The following DNM2 variants were observed in gnomAD, a reference collection of about 807,000 sequenced individuals.
DNM2 encodes dynamin 2, also known as dynamin-2.
In DNM2, 15 loss-of-function variants were observed where a neutral mutation model predicts 99.0. That is an observed-to-expected ratio of 0.15 (90% CI 0.10 to 0.23). The LOEUF is 0.23. Ranked by LOEUF, DNM2 falls within the 10% of genes least tolerant of loss-of-function variation. The pLI, the probability that DNM2 is intolerant of heterozygous loss-of-function variation, is 1.00. For synonymous variants in DNM2, 525 were observed against 481.2 expected (o/e 1.09, Z -1.19); for missense variants, 742 against 1,189.4 (o/e 0.62, Z 5.53).
chr19:10,803,000 C>T (rs975055473), intron 12 of DNM2, among the ~76,000 whole-genome samples: 6 of 152,286 alleles, frequency 3.9e-5, no homozygotes, highest in East Asian at 1.9e-4. Context: ...TGAGGCAGGC[C>T]GGGTGGTGCC....
intron 12 of DNM2, among the ~76,000 whole-genome samples, chr19:10,805,515 G>T (rs550033206): frequency 6.6e-6 from 1 of 152,156 alleles, no homozygotes; most frequent in South Asian, 2.1e-4. Context: ...TGCACCTGTG[G>T]TTCCAGCTAC....
intron 3 of DNM2, among the ~76,000 whole-genome samples, chr19:10,773,229 T>C (rs1241847737): frequency 1.5e-4 from 22 of 147,172 alleles, no homozygotes; most frequent in Middle Eastern, 3.5e-3. Flanking sequence ...CTCACTGCAG[T>C]CTCCGCCTCC....
rs142123317 is a variant in DNM2 at position 10,760,786 on chromosome 19, G to A, written c.235+975G>A. ...CAATCCTCTCCAATCAGCCTCTCGG[G>A]TAGCTAGGATTACAGGTGCACACAC... On this transcript the variant is annotated intron_variant, in intron 2 of 20. Transcript: ENST00000389253. 3.3e-4 allele frequency among the ~76,000 whole-genome samples: 49 copies of A among 147,996 alleles called. No homozygotes were observed. In the East Asian group the frequency reaches 9.3e-3, roughly 28 times the overall value.
intron 8 of DNM2, 106 bp downstream of exon 8, chr19:10,793,961 A>G: frequency 6.3e-7 from 1 of 1,582,190 alleles, no homozygotes; most frequent in Non-Finnish European, 8.6e-7. Context: ...TCCTACCTCT[A>G]GGCCTGAACT....
In DNM2 at chr19:10,830,856, T is replaced by G; in HGVS notation, c.2544-122T>G. ...CCGACACCCTGGTGGCTTGCGGAGG[T>G]CAGCCTGGGAACACCCTGGGGTGGT... On this transcript the variant is annotated intron_variant, in intron 20 of 20. Transcript: ENST00000389253. This position sits in a 1 kb window ranked among gnomAD's most constrained non-coding sequence, Gnocchi z 4.8. 1 of 1,246,900 alleles carries G rather than the reference T, an allele frequency of 8.0e-7. No individual in the cohort carries two copies. The allele number at this position is 1,246,900 out of a possible 1,614,324, so 77.2% of individuals were successfully genotyped here.
chr19:10,757,820 A>C (rs966473819), intron 1 of DNM2, among the ~76,000 whole-genome samples: 27 of 151,678 alleles, frequency 1.8e-4, no homozygotes, highest in African/African-American at 5.1e-4. Flanking sequence ...TAGCGCGTGC[A>C]TGTAATCCCA....
At position 10,786,688 on chromosome 19, in the gene DNM2, A is replaced by G; in HGVS notation, c.974A>G (p.Lys325Arg). The change falls in exon 7 of 21, where the codon AAA (lysine) becomes AGA (arginine). Residue 325 changes from lysine to arginine, a missense_variant. Physicochemically the swap from Lys to Arg is conservative, Grantham distance 26. Coordinates refer to ENST00000389253, the MANE Select transcript of DNM2 (RefSeq NM_001005361.3). ...TTTCGGCCCGACGACCCCACCCGCA[A>G]AACCAAAGCCCTGCTGCAGTATGTA... is the stretch of plus-strand genomic sequence containing the variant. ...KNFRPDDPTR[K>R]TKALLQMVQQ... is the part of the protein sequence containing the mutation. The G allele has an allele frequency of 6.2e-7, 1 of 1,614,002 alleles. No homozygotes were observed. Among genetic ancestry groups the G allele is most frequent in the Non-Finnish European group, 8.5e-7 (1 of 1,179,980 alleles).
intron 2 of DNM2, chr19:10,763,557 G>A (rs541352478): frequency 6.6e-6 from 1 of 152,420 alleles, no homozygotes; most frequent in African/African-American, 2.4e-5. Flanking sequence ...CTGGGCCTTA[G>A]CTGATCTCCA....
chr19:10,824,559 A>G (rs1346397025), intron 17 of DNM2: 1 of 206,086 alleles, frequency 4.9e-6, no homozygotes, highest in Non-Finnish European at 1.0e-5. Flanking sequence ...CAATCCCAAC[A>G]CTTTGGGAGG....
chr19:10,735,639 G>C (rs2069496440), intron 1 of DNM2, among the ~76,000 whole-genome samples: 1 of 151,440 alleles, frequency 6.6e-6, no homozygotes, highest in Non-Finnish European at 1.5e-5. Context: ...TCAGCCGCTT[G>C]AGCAGCTGAG....
At chr19:10,730,233 A>G (rs190232109) in intron 1 of DNM2, among the ~76,000 whole-genome samples, 2 of 152,260 alleles carry the variant, frequency 1.3e-5, no homozygotes, top group Admixed American at 1.3e-4. Flanking sequence ...TAATCCCAGC[A>G]CTATGGGAGG....
At chr19:10,759,668 CAT>C in intron 1 of DNM2, 68 bp from the exon 2 acceptor site, 1 of 1,591,276 alleles carries the variant, frequency 6.3e-7, no homozygotes, top group African/African-American at 1.3e-5. Flanking sequence ...TGCTCCACCA[CAT>C]GTGGTCACAC....
Position 10,819,854 on chromosome 19 carries a change from A to G in DNM2, c.1672-126A>G, listed in dbSNP as rs551276466. The G allele has an allele frequency of 3.5e-6, 3 of 859,582 alleles. No homozygotes were observed. In the South Asian group the frequency reaches 4.0e-5, roughly 11 times the overall value. 53.2% of individuals were successfully genotyped at this position (859,582 alleles called of 1,614,324 possible). A position where few individuals can be genotyped will look rare whatever the true frequency, so the allele number is the denominator to read the frequency against. ...GGGAAGGGCCGGCAGATGGGCTCAT[A>G]TACAGCAGCGACCAGCATTGAGAAG... On this transcript the variant is annotated intron_variant, in intron 15 of 20. Coordinates refer to ENST00000389253, the MANE Select transcript of DNM2 (RefSeq NM_001005361.3).
In DNM2 at chr19:10,816,382, C is replaced by G. The variant is rs1271705537; in HGVS notation, c.1672-3598C>G. Among the ~76,000 whole-genome samples the G allele has an allele frequency of 6.6e-6, 1 of 152,072 alleles. No homozygotes were observed. The highest frequency in any genetic ancestry group is 2.4e-5 in the African/African-American group (1 of 41,416). On this transcript the variant is annotated intron_variant, in intron 15 of 20. Transcript: ENST00000389253. This position sits in a 1 kb window ranked among gnomAD's most constrained non-coding sequence, Gnocchi z 4.6. ...GTTTCTAAACCCAGGGTGGTGGAGT[C>G]TGCTGAGCCACCATACAAGCATTTC...
At position 10,818,003 on chromosome 19, in the gene DNM2, T is replaced by C. The variant is rs541975322; in HGVS notation, c.1672-1977T>C. The stretch of plus-strand genomic sequence containing the variant: ...ATAGGGTCAGGGCAGCAAAGGCCCT[T>C]GGGCAAACGTCCGAGCCGGGGGCAG... On this transcript the variant is annotated intron_variant, in intron 15 of 20. Transcript: ENST00000389253. This position sits in a 1 kb window ranked among gnomAD's most constrained non-coding sequence, Gnocchi z 4.3. 6.6e-6 allele frequency among the ~76,000 whole-genome samples: 1 copy of C among 152,182 alleles called. No homozygotes were observed. Among genetic ancestry groups the C allele is most frequent in the East Asian group, 1.9e-4 (1 of 5,166 alleles).
rs565426754 is a variant in DNM2, at chr19:10,812,528, C to T, written c.1671+151C>T. The stretch of plus-strand genomic sequence containing the variant: ...AACTCGCCGGGCACGGTGGCTCCCG[C>T]CTGTAATCCCAGCACTTTGGGAGGG... On this transcript the variant is annotated intron_variant, in intron 15 of 20. Transcript: ENST00000389253. The surrounding 1 kb of genome is among the most constrained non-coding windows in gnomAD (Gnocchi z 4.0). 3.6e-5 allele frequency: 22 copies of T among 608,082 alleles called. No homozygotes were observed. In the Admixed American group the frequency reaches 4.3e-4, roughly 12 times the overall value. 37.7% of individuals were successfully genotyped at this position (608,082 alleles called of 1,614,324 possible).
chr19:10,783,701 TA>T (rs74181794), intron 6 of DNM2, among the ~76,000 whole-genome samples: 299 of 142,160 alleles, frequency 2.1e-3, no homozygotes, highest in Middle Eastern at 7.2e-3. Flanking sequence ...TTATTATTAT[TA>T]TTATTTTTTA....
intron 14 of DNM2, chr19:10,809,978 G>A (rs555298864): frequency 1.3e-5 from 2 of 152,466 alleles, no homozygotes; most frequent in African/African-American, 2.4e-5. Context: ...CCAGGAACCT[G>A]CTTCTCCCTT....
chr19:10,720,745 A>G (rs935061278), intron 1 of DNM2, among the ~76,000 whole-genome samples: 1 of 152,116 alleles, frequency 6.6e-6, no homozygotes, highest in Admixed American at 6.6e-5. Flanking sequence ...AAGAAAAGAA[A>G]AAGTGCTTAC....
Sources: gnomAD v4.1 joint callset for allele counts (sites outside exome capture counted in the v4.1 genomes callset) on GRCh38, gnomAD v4.1.1 for gene constraint, Gnocchi (gnomAD v3.1) non-coding constraint, MANE v1.5 for transcripts, NCBI Gene and HGNC (gene_info 2026-07-23, HGNC 2026-07-21) for gene names.